Variants in SUDS3 observed in about 807,000 individuals in gnomAD.
SUDS3 encodes SIN3A corepressor complex component SDS3.
Under a neutral mutation model 53.5 loss-of-function variants are expected in SUDS3, and 23 were observed. The ratio of observed to expected loss-of-function variants is 0.43; its 90% CI spans 0.31 to 0.61. The LOEUF is 0.61. Ranked by LOEUF, SUDS3 falls within the 20% of genes least tolerant of loss-of-function variation. SUDS3 has a pLI of 0.10. For missense variants in SUDS3, 291 were observed against 405.9 expected (o/e 0.72, Z 2.43); for synonymous variants, 150 against 148.5 (o/e 1.01, Z -0.08).
chr12:118,378,335 A>G (rs896224004), intron 1 of SUDS3, among the ~76,000 whole-genome samples: 2 of 152,158 alleles, frequency 1.3e-5, no homozygotes, highest in Non-Finnish European at 2.9e-5. Context: ...TGCATCTGTG[A>G]ATTCAACCAA....
intron 7 of SUDS3, among the ~76,000 whole-genome samples, chr12:118,401,507 G>A (rs1204658169): frequency 6.6e-6 from 1 of 152,208 alleles, no homozygotes; most frequent in Admixed American, 6.5e-5. Context: ...CCTTTGCTGT[G>A]TTATTGTAGA....
chr12:118,388,775 G>C (rs2046137459), intron 4 of SUDS3, among the ~76,000 whole-genome samples: 1 of 152,150 alleles, frequency 6.6e-6, no homozygotes, highest in Non-Finnish European at 1.5e-5. Context: ...GAAGCCCCAG[G>C]TGTCCCTGGA....
intron 10 of SUDS3, among the ~76,000 whole-genome samples, chr12:118,409,060 C>G (rs577630556): frequency 1.3e-5 from 2 of 152,100 alleles, no homozygotes; most frequent in Admixed American, 6.6e-5. Context: ...ATGAAGGTCC[C>G]CTGCCAGTTT....
intron 10 of SUDS3, among the ~76,000 whole-genome samples, chr12:118,406,695 G>C (rs938100508): frequency 2.8e-5 from 4 of 140,728 alleles, no homozygotes; most frequent in Non-Finnish European, 6.4e-5. Context: ...TTGTAAAACA[G>C]GTTAATTGGC....
chr12:118,388,097 G>A (rs934501701), intron 4 of SUDS3, among the ~76,000 whole-genome samples: 6 of 152,228 alleles, frequency 3.9e-5, no homozygotes, highest in African/African-American at 1.4e-4. Flanking sequence ...ACTTGTGCAT[G>A]GTACAGATCT....
In SUDS3 at chr12:118,406,909, A is replaced by AT. The variant is rs1418067429; in HGVS notation, c.803+3399dup. On this transcript the variant is annotated intron_variant, in intron 10 of 11. Transcript: ENST00000543473. ...CCCCCATATGAACACTTCATTTTTT[A>AT]TTTTTTTGAGACAGGGTCTCACTGT... Among the ~76,000 whole-genome samples, 3 of 118,398 alleles carry AT rather than the reference A, an allele frequency of 2.5e-5. No homozygotes were observed. In the East Asian group the frequency reaches 8.5e-4, roughly 34 times the overall value. The allele number at this position is 118,398 out of a possible 152,430, so 77.7% of individuals were successfully genotyped here.
intron 6 of SUDS3, among the ~76,000 whole-genome samples, chr12:118,397,137 G>A (rs1239792801): frequency 6.6e-6 from 1 of 152,134 alleles, no homozygotes; most frequent in African/African-American, 2.4e-5. Flanking sequence ...ATCAGAGAGG[G>A]TTTCTAATTT....
At chr12:118,380,133 A>C (rs768877606) in intron 1 of SUDS3, 29 bp from the exon 2 acceptor site, 2 of 1,579,476 alleles carry the variant, frequency 1.3e-6, no homozygotes, top group South Asian at 2.3e-5. Flanking sequence ...TATGATTTTA[A>C]CTAGCCCCTA....
chr12:118,409,370 C>T (rs1225357204), intron 10 of SUDS3, among the ~76,000 whole-genome samples: 2 of 152,160 alleles, frequency 1.3e-5, no homozygotes, highest in Non-Finnish European at 2.9e-5. Context: ...TGGTCTCGAT[C>T]TCCTGACCTT....
chr12:118,407,089 G>A (rs549363303), intron 10 of SUDS3, among the ~76,000 whole-genome samples: 80 of 151,902 alleles, frequency 5.3e-4, no homozygotes, highest in Non-Finnish European at 4.1e-4. Flanking sequence ...TAGTAGAGAT[G>A]AGGTCTTGCT....
At position 118,386,024 on chromosome 12, in the gene SUDS3, A is replaced by C. The variant is rs942860672; in HGVS notation, c.269-90A>C. On this transcript the variant is annotated intron_variant, in intron 3 of 11. Coordinates refer to ENST00000543473, the MANE Select transcript of SUDS3 (RefSeq NM_022491.3). Reference sequence around the variant, plus strand: ...TTCCTTTGGTGTTACTGAAACAGTCAGTGTTGATGCTAGATAATAATTTTA... The same window carrying C: ...TTCCTTTGGTGTTACTGAAACAGTCCGTGTTGATGCTAGATAATAATTTTA... 7 of 977,720 alleles carry C rather than the reference A, an allele frequency of 7.2e-6. No homozygotes were observed. In the Admixed American group the frequency reaches 1.5e-4, roughly 21 times the overall value. 60.6% of individuals were successfully genotyped at this position (977,720 alleles called of 1,614,324 possible).
intron 2 of SUDS3, among the ~76,000 whole-genome samples, chr12:118,382,385 A>G (rs1004930943): frequency 7.1e-6 from 1 of 140,564 alleles, no homozygotes; most frequent in Non-Finnish European, 1.5e-5. Context: ...TTTTTGAGAC[A>G]GTATCTTGTT....
intron 2 of SUDS3, among the ~76,000 whole-genome samples, chr12:118,381,369 T>A (rs1275089185): frequency 6.6e-6 from 1 of 151,868 alleles, no homozygotes; most frequent in Non-Finnish European, 1.5e-5. Flanking sequence ...CATGCCCGGC[T>A]AATTTTTGTA....
chr12:118,407,111 G>A (rs544300770), intron 10 of SUDS3, among the ~76,000 whole-genome samples: 2 of 152,090 alleles, frequency 1.3e-5, no homozygotes, highest in Non-Finnish European at 2.9e-5. Flanking sequence ...TGTTGCCCAG[G>A]CTGTCCTCAA....
At chr12:118,399,004 T>C (rs2046240830) in intron 6 of SUDS3, among the ~76,000 whole-genome samples, 1 of 152,084 alleles carries the variant, frequency 6.6e-6, no homozygotes, top group South Asian at 2.1e-4. Context: ...CAACGGGTAT[T>C]ATGTAGGAGT....
At chr12:118,377,430 C>T (rs764194068) in intron 1 of SUDS3, among the ~76,000 whole-genome samples, 5 of 152,154 alleles carry the variant, frequency 3.3e-5, no homozygotes, top group Non-Finnish European at 7.3e-5. Flanking sequence ...CTAGAAGGCA[C>T]TTCCTAGGGT....
At chr12:118,387,362 A>G (rs938273076) in intron 4 of SUDS3, among the ~76,000 whole-genome samples, 1 of 152,174 alleles carries the variant, frequency 6.6e-6, no homozygotes, top group Admixed American at 6.5e-5. Context: ...TGATCCTTTA[A>G]GCAGAATATT....
chr12:118,389,180 G>T (rs1393429960), intron 4 of SUDS3, among the ~76,000 whole-genome samples: 1 of 151,936 alleles, frequency 6.6e-6, no homozygotes, highest in Non-Finnish European at 1.5e-5. Context: ...AAAACCAGGG[G>T]TCTCCATCCT....
At chr12:118,396,627 C>T (rs2046217812) in intron 6 of SUDS3, among the ~76,000 whole-genome samples, 2 of 152,182 alleles carry the variant, frequency 1.3e-5, no homozygotes, top group South Asian at 4.1e-4. Flanking sequence ...TAAATATGAG[C>T]TTGTTTTAAT....
Sources: allele counts gnomAD v4.1 joint callset (sites outside exome capture counted in the v4.1 genomes callset), GRCh38; gene constraint gnomAD v4.1.1; transcripts MANE v1.5; gene names NCBI Gene and HGNC (gene_info 2026-07-23, HGNC 2026-07-21).